CPXM2: variants seen among roughly 807,000 people sequenced by gnomAD.
CPXM2 encodes the protein carboxypeptidase X, M14 family member 2, also known as inactive carboxypeptidase-like protein X2.
In CPXM2, 66 loss-of-function variants were observed where a neutral mutation model predicts 86.1. The ratio of observed to expected loss-of-function variants is 0.77; its 90% confidence interval spans 0.63 to 0.94. The LOEUF (loss-of-function observed/expected upper bound fraction) is 0.94. CPXM2 is among the 40% of genes least tolerant of loss of function. CPXM2 has a pLI of 0.00. For missense variants in CPXM2, 948 were observed against 1,026.3 expected (o/e 0.92, Z 1.04); for synonymous variants, 388 against 400.2 (o/e 0.97, Z 0.36).
In CPXM2 at chr10:123,917,504, G is replaced by A. The variant is rs921338512; in HGVS notation, n.174+21973C>T. 4.6e-5 allele frequency among the ~76,000 whole-genome samples: 7 copies of A among 152,258 alleles called. No individual in the cohort carries two copies. The East Asian group carries it at 5.8e-4, about 13-fold the overall frequency. On this transcript the variant is annotated intron_variant and non_coding_transcript_variant, in intron 2 of 19. Coordinates refer to the CPXM2 transcript ENST00000368854. Reference sequence around the variant, plus strand: ...TAATGGGCTTCAGAATTCATTTGACGTTTTTCTTGCTATTTTGTACACATA... The same window carrying A: ...TAATGGGCTTCAGAATTCATTTGACATTTTTCTTGCTATTTTGTACACATA...
chr10:123,875,017 T>C (rs1378217471), intron 2 of CPXM2, among the ~76,000 whole-genome samples: 1 of 152,174 alleles, frequency 6.6e-6, no homozygotes, highest in Non-Finnish European at 1.5e-5. Flanking sequence ...CTGAAGCCTA[T>C]AGCTGCAGAC....
At chr10:123,814,453 T>C (rs1847768864) in intron 4 of CPXM2, among the ~76,000 whole-genome samples, 1 of 152,200 alleles carries the variant, frequency 6.6e-6, no homozygotes, top group African/African-American at 2.4e-5. Flanking sequence ...GACGGCCTAT[T>C]GTGGGACACT....
chr10:123,801,444 A>C lies in CPXM2; in HGVS notation c.654-2245T>G, dbSNP rs116470429. On this transcript the variant is annotated intron_variant, in intron 4 of 13. Transcript: ENST00000241305. ...CATAGCAGTATGAAAACAGAATAAC[A>C]CATTCCCCTATATTGAATCCATCAC... Among the ~76,000 whole-genome samples, 689 of 152,130 alleles carry C rather than the reference A, an allele frequency of 4.5e-3. 4 individuals are homozygous for C. The highest frequency in any genetic ancestry group is 0.015 in the African/African-American group (632 of 41,482).
chr10:123,877,426 T>C (rs1396341493), intron 2 of CPXM2, among the ~76,000 whole-genome samples: 2 of 152,224 alleles, frequency 1.3e-5, no homozygotes, highest in Non-Finnish European at 2.9e-5. Flanking sequence ...TGTAGATTAG[T>C]TGAGCTCAGC....
chr10:123,876,253 G>A (rs1944985848), intron 2 of CPXM2, among the ~76,000 whole-genome samples: 1 of 152,214 alleles, frequency 6.6e-6, no homozygotes, highest in Admixed American at 6.5e-5. Context: ...TCACCATGAT[G>A]CTGGCTCTAC....
intron 2 of CPXM2, among the ~76,000 whole-genome samples, chr10:123,901,324 T>C (rs949871200): frequency 1.3e-5 from 2 of 152,158 alleles, no homozygotes; most frequent in African/African-American, 2.4e-5. Context: ...TAGCTCCAGT[T>C]GTAAATCACA....
chr10:123,792,816 T>C (rs888364640), intron 6 of CPXM2, among the ~76,000 whole-genome samples: 1 of 152,130 alleles, frequency 6.6e-6, no homozygotes, highest in Admixed American at 6.5e-5. Context: ...CCTTCTGCAA[T>C]ACTCATGCAC....
At chr10:123,854,396 T>A (rs193218537) in intron 3 of CPXM2, among the ~76,000 whole-genome samples, 125 of 116,508 alleles carry the variant, frequency 1.1e-3, no homozygotes, top group African/African-American at 3.7e-3. Flanking sequence ...ATATATATAT[T>A]ATATATATAT....
chr10:123,912,068 G>A (rs77896965), intron 2 of CPXM2, among the ~76,000 whole-genome samples: 5 of 152,046 alleles, frequency 3.3e-5, no homozygotes, highest in Admixed American at 2.0e-4. Flanking sequence ...TAGACCTCTC[G>A]ACTGGGGTTT....
intron 1 of CPXM2, among the ~76,000 whole-genome samples, chr10:123,880,810 C>T (rs1460677389): frequency 9.0e-6 from 1 of 111,592 alleles, no homozygotes; most frequent in Non-Finnish European, 1.7e-5. Flanking sequence ...GCCTGGGTGA[C>T]AGAGCGAGAT....
At chr10:123,815,849 G>A (rs535479854) in intron 4 of CPXM2, among the ~76,000 whole-genome samples, 1 of 152,282 alleles carries the variant, frequency 6.6e-6, no homozygotes, top group South Asian at 2.1e-4. Flanking sequence ...TGAAGAACAG[G>A]CATGGGAATG....
intron 7 of CPXM2, among the ~76,000 whole-genome samples, chr10:123,778,377 T>C (rs1411225202): frequency 1.3e-5 from 2 of 152,204 alleles, no homozygotes; most frequent in South Asian, 4.1e-4. Context: ...AAATCATTTC[T>C]GGCTTGAACA....
At chr10:123,848,168 G>C (rs1046999185) in intron 3 of CPXM2, among the ~76,000 whole-genome samples, 1 of 152,172 alleles carries the variant, frequency 6.6e-6, no homozygotes, top group Non-Finnish European at 1.5e-5. Flanking sequence ...AAAAACGTTA[G>C]CTGTGACATT....
In CPXM2 at chr10:123,770,916, C is replaced by T. The variant is rs201099744; in HGVS notation, c.1102G>A (p.Gly368Ser). 54 of 1,610,954 alleles carry T rather than the reference C, an allele frequency of 3.4e-5. No homozygotes were observed. The highest frequency in any genetic ancestry group is 1.3e-4 in the African/African-American group (10 of 74,818). Residue 368 changes from glycine to serine, a missense_variant and splice_region_variant, in exon 8 of 14, where the codon GGT becomes AGT. Coordinates refer to ENST00000241305, the MANE Select transcript of CPXM2 (RefSeq NM_198148.3). ...ISDHPGEHEV[G>S]EPEFHYIAGA... The stretch of plus-strand genomic sequence containing the variant: ...AGCATCCCAGAGGGGCCCTTCTCAC[C>T]GACTTCATGCTCCCCAGGGTGATCT...
intron 4 of CPXM2, among the ~76,000 whole-genome samples, chr10:123,810,829 C>T (rs565928434): frequency 1.1e-4 from 16 of 151,888 alleles, no homozygotes; most frequent in Non-Finnish European, 2.2e-4. Context: ...GAATAAAGCC[C>T]AAAATAGCCA....
chr10:123,890,543 C>T (rs967587183), intron 1 of CPXM2, among the ~76,000 whole-genome samples: 1 of 152,258 alleles, frequency 6.6e-6, no homozygotes, highest in Non-Finnish European at 1.5e-5. Context: ...CATTCCTGCT[C>T]ATGCCCCACT....
intron 2 of CPXM2, among the ~76,000 whole-genome samples, chr10:123,878,192 C>G (rs1945019398): frequency 6.6e-6 from 1 of 152,116 alleles, no homozygotes; most frequent in Non-Finnish European, 1.5e-5. Context: ...GCCACGCCAC[C>G]CTGCCACATG....
chr10:123,881,675 G>A (rs1482909498), intron 1 of CPXM2, among the ~76,000 whole-genome samples: 1 of 152,232 alleles, frequency 6.6e-6, no homozygotes, highest in Admixed American at 6.5e-5. Flanking sequence ...TTCTGCAGAG[G>A]TGGAAGCAGG....
rs373499345 is a variant in CPXM2 at position 123,862,634 on chromosome 10, G to A, written c.493C>T (p.Arg165Ter). 18 of 1,614,152 alleles carry A rather than the reference G, an allele frequency of 1.1e-5. No homozygotes were observed. Among genetic ancestry groups the A allele is most frequent in the Middle Eastern group, 1.6e-4 (1 of 6,062 alleles). The change falls in exon 3 of 14, where the codon CGA becomes TGA. Residue 165 changes from arginine (R) to a stop codon, truncating the protein, a stop_gained. Coordinates refer to ENST00000241305, the MANE Select transcript of CPXM2 (RefSeq NM_198148.3). LOFTEE classifies it high-confidence loss of function. ...GGTACCTGGATGTTGAGTCTCCCTC[G>A]ATGTGCCCCCAGGCCATAGCGCTTC... is the stretch of plus-strand genomic sequence containing the variant. The part of the protein sequence containing the change: ...TVKRYGLGAH[R>*]GRLNIQAGIN...
Sources: gnomAD v4.1 joint callset for allele counts (sites outside exome capture counted in the v4.1 genomes callset) on GRCh38, gnomAD v4.1.1 for gene constraint, MANE v1.5 for transcripts, NCBI Gene and HGNC (gene_info 2026-07-23, HGNC 2026-07-21) for gene names.